GLIS3: variants seen among roughly 807,000 people sequenced by gnomAD.
The protein encoded by GLIS3 is GLIS family zinc finger 3.
Under a neutral mutation model 78.6 loss-of-function variants are expected in GLIS3, and 53 were observed. The ratio of observed to expected loss-of-function variants is 0.67; its 90% CI spans 0.54 to 0.85. GLIS3 has a LOEUF of 0.85. Ranked by LOEUF, GLIS3 falls within the 40% of genes least tolerant of loss-of-function variation. The probability of loss-of-function intolerance (pLI) is 0.00; values close to 1 mark genes in which losing one functional copy is unlikely to be tolerated. For missense variants in GLIS3, 1,703 were observed against 1,231.1 expected (o/e 1.38, Z -5.74); for synonymous variants, 684 against 509.9 (o/e 1.34, Z -4.60).
At chr9:4,404,755 T>C in the GLIS3 span, among the ~76,000 whole-genome samples, 1 of 151,482 alleles carries the variant, frequency 6.6e-6, no homozygotes, top group Admixed American at 6.6e-5. Context: ...AATGCCTACA[T>C]CAAAAAAGAA....
intron 2 of GLIS3, among the ~76,000 whole-genome samples, chr9:4,235,559 G>C (rs970716385): frequency 6.6e-6 from 1 of 152,148 alleles, no homozygotes; most frequent in African/African-American, 2.4e-5. Context: ...TTTACCCCCA[G>C]TTACTCCTAC....
the GLIS3 span, among the ~76,000 whole-genome samples, chr9:4,449,840 G>A: frequency 2.6e-5 from 4 of 152,108 alleles, no homozygotes; most frequent in African/African-American, 9.7e-5. Context: ...CCTATCTGTA[G>A]GTCACCAGCA....
intron 6 of GLIS3, among the ~76,000 whole-genome samples, chr9:3,929,379 A>G (rs761857226): frequency 1.3e-5 from 2 of 152,064 alleles, no homozygotes; most frequent in Non-Finnish European, 2.9e-5. Flanking sequence ...AGCTTGAATA[A>G]TGTTTAGCTG....
intron 2 of GLIS3, among the ~76,000 whole-genome samples, chr9:4,327,484 G>C (rs1039718258): frequency 6.6e-6 from 1 of 152,166 alleles, no homozygotes; most frequent in Admixed American, 6.5e-5. Context: ...GGAAGTCCTG[G>C]AGCAGAGGAG....
At chr9:4,414,436 T>C in the GLIS3 span, among the ~76,000 whole-genome samples, 3 of 152,210 alleles carry the variant, frequency 2.0e-5, no homozygotes, top group Admixed American at 1.3e-4. Flanking sequence ...ACAAGTTACT[T>C]AACCTCCTTA....
chr9:3,888,633 T>C (rs1253820198), intron 7 of GLIS3, among the ~76,000 whole-genome samples: 1 of 152,208 alleles, frequency 6.6e-6, no homozygotes, highest in Non-Finnish European at 1.5e-5. Flanking sequence ...TGGGCGAAAC[T>C]GCATCGACAA....
chr9:4,180,272 G>C (rs1033091126), intron 2 of GLIS3, among the ~76,000 whole-genome samples: 1 of 152,114 alleles, frequency 6.6e-6, no homozygotes, highest in Non-Finnish European at 1.5e-5. Context: ...AAGCTACTCC[G>C]GTCCTAGGTC....
At chr9:3,924,854 A>T (rs1320667474) in intron 6 of GLIS3, among the ~76,000 whole-genome samples, 1 of 152,202 alleles carries the variant, frequency 6.6e-6, no homozygotes, top group Non-Finnish European at 1.5e-5. Context: ...TTTCATCAAG[A>T]ATGCACAAAA....
intron 4 of GLIS3, among the ~76,000 whole-genome samples, chr9:4,011,841 T>A (rs889823146): frequency 3.3e-5 from 5 of 152,206 alleles, no homozygotes; most frequent in African/African-American, 9.7e-5. Flanking sequence ...TCTTAACATT[T>A]TTTTTTATTG....
At chr9:4,246,780 G>A (rs1032688459) in intron 2 of GLIS3, among the ~76,000 whole-genome samples, 6 of 152,012 alleles carry the variant, frequency 3.9e-5, no homozygotes, top group African/African-American at 1.5e-4. Flanking sequence ...TTCTTAAACG[G>A]GTTTTTCAAG....
At chr9:3,856,250 C>T in intron 8 of GLIS3, 66 bp from the exon 9 acceptor site, 2 of 1,443,072 alleles carry the variant, frequency 1.4e-6, no homozygotes, top group Non-Finnish European at 1.9e-6. Context: ...ACAAACTCTC[C>T]AAAGCCAAAT....
chr9:4,488,766 C>A, the GLIS3 span, among the ~76,000 whole-genome samples: 2 of 152,194 alleles, frequency 1.3e-5, no homozygotes, highest in African/African-American at 4.8e-5. Context: ...GATCCGCCTG[C>A]CTTGGCCTCC....
At chr9:4,329,211 G>A (rs150800041) in intron 2 of GLIS3, among the ~76,000 whole-genome samples, 50 of 152,140 alleles carry the variant, frequency 3.3e-4, no homozygotes, top group Admixed American at 1.4e-3. Context: ...CCATTCCCAC[G>A]ATAATGTTCT....
chr9:3,989,451 C>T (rs1027802513), intron 4 of GLIS3, among the ~76,000 whole-genome samples: 1 of 152,170 alleles, frequency 6.6e-6, no homozygotes, highest in African/African-American at 2.4e-5. Context: ...ATATTCATAG[C>T]AGCTTTACTT....
the GLIS3 span, among the ~76,000 whole-genome samples, chr9:4,402,097 C>G: frequency 0.017 from 2,626 of 152,262 alleles, 81 homozygotes; most frequent in African/African-American, 0.059. Context: ...TGGGCAAGAC[C>G]CAGTACTATG....
At chr9:4,238,766 A>C (rs1034794499) in intron 2 of GLIS3, among the ~76,000 whole-genome samples, 1 of 152,156 alleles carries the variant, frequency 6.6e-6, no homozygotes, top group Non-Finnish European at 1.5e-5. Flanking sequence ...AGTTGGCTTT[A>C]ATTAAATCCT....
At chr9:4,467,822 G>A in the GLIS3 span, among the ~76,000 whole-genome samples, 9 of 152,020 alleles carry the variant, frequency 5.9e-5, no homozygotes, top group South Asian at 2.1e-4. Flanking sequence ...TCCGATGATC[G>A]GTAATAACAA....
At chr9:4,343,436 G>C (rs1817861795) in intron 2 of GLIS3, among the ~76,000 whole-genome samples, 1 of 152,174 alleles carries the variant, frequency 6.6e-6, no homozygotes, top group Non-Finnish European at 1.5e-5. Flanking sequence ...GAGTTGTGGA[G>C]AAAAAGGAAT....
rs1312799452 is a variant in GLIS3 at position 3,826,914 on chromosome 9, T to G, written c.*1358A>C. 2 of 152,226 alleles carry G rather than the reference T, an allele frequency of 1.3e-5. No homozygotes were observed. The highest frequency in any genetic ancestry group is 2.9e-5 in the Non-Finnish European group (2 of 68,034). The allele number at this position is 152,226 out of a possible 1,614,324, so 9.4% of individuals were successfully genotyped here. ...TGGCCAATTTTTATAGCTGATGCCC[T>G]AGGACTTAGGATCTGTAATAGCTAT... On this transcript the variant is annotated 3_prime_UTR_variant, in exon 11 of 11. Coordinates refer to ENST00000381971, the MANE Select transcript of GLIS3 (RefSeq NM_001042413.2).
Sources: allele counts gnomAD v4.1 joint callset (sites outside exome capture counted in the v4.1 genomes callset), GRCh38; gene constraint gnomAD v4.1.1; transcripts MANE v1.5; gene names NCBI Gene and HGNC (gene_info 2026-07-23, HGNC 2026-07-21).